Variants in PHF21A observed in about 807,000 individuals in gnomAD.
PHF21A encodes the protein BHC80a.
A neutral mutation model predicts 82.5 loss-of-function variants in PHF21A; 11 were observed. The ratio of observed to expected loss-of-function variants is 0.13; its 90% CI spans 0.08 to 0.22. The LOEUF (loss-of-function observed/expected upper bound fraction) is 0.22. PHF21A is among the 10% of genes least tolerant of loss of function. The probability of loss-of-function intolerance (pLI) is 1.00; values close to 1 mark genes in which losing one functional copy is unlikely to be tolerated. For synonymous variants in PHF21A, 297 were observed against 302.8 expected (o/e 0.98, Z 0.20); for missense variants, 579 against 837.8 (o/e 0.69, Z 3.81).
intron 6 of PHF21A, among the ~76,000 whole-genome samples, chr11:45,987,431 G>T (rs2094531622): frequency 6.6e-6 from 1 of 151,894 alleles, no homozygotes; most frequent in East Asian, 1.9e-4. Context: ...GGAGGCCGAG[G>T]TGGGCGAATC....
intron 6 of PHF21A, among the ~76,000 whole-genome samples, chr11:46,033,543 T>G (rs1172368192): frequency 6.6e-6 from 1 of 152,154 alleles, no homozygotes; most frequent in African/African-American, 2.4e-5. Flanking sequence ...GGATTACAGG[T>G]GTGAGCCACC....
In PHF21A at chr11:45,953,628, AG is replaced by A; in HGVS notation, c.997-4del. On this transcript the variant is annotated splice_region_variant and splice_polypyrimidine_tract_variant and intron_variant, in intron 10 of 18. Transcript: ENST00000676320. ...GTTTCTGTGTGAGATTTAACTGTCT[AG>A]GAGAGAAAAATTAAATAAAAATTCA... 1 of 1,596,016 alleles carries A rather than the reference AG, an allele frequency of 6.3e-7. No homozygotes were observed. Among genetic ancestry groups the A allele is most frequent in the Non-Finnish European group, 8.6e-7 (1 of 1,164,690 alleles).
chr11:45,992,496 C>T (rs1191746828), intron 6 of PHF21A, among the ~76,000 whole-genome samples: 9 of 152,150 alleles, frequency 5.9e-5, no homozygotes, highest in Non-Finnish European at 1.2e-4. Context: ...GCTGAGATCG[C>T]GCCACTGCAC....
chr11:46,086,684 T>G (rs1361356131), intron 3 of PHF21A, among the ~76,000 whole-genome samples: 1 of 152,228 alleles, frequency 6.6e-6, no homozygotes, highest in Admixed American at 6.5e-5. Flanking sequence ...CCAAAATGAT[T>G]CCTTATAATT....
At chr11:46,036,340 G>A (rs2096003374) in intron 6 of PHF21A, among the ~76,000 whole-genome samples, 1 of 152,210 alleles carries the variant, frequency 6.6e-6, no homozygotes, top group Non-Finnish European at 1.5e-5. Context: ...CTGAAGTGAA[G>A]TTGTTCAGTG....
At chr11:46,059,024 T>C (rs2096496899) in intron 6 of PHF21A, among the ~76,000 whole-genome samples, 1 of 152,200 alleles carries the variant, frequency 6.6e-6, no homozygotes, top group Non-Finnish European at 1.5e-5. Context: ...GATGCCCTAA[T>C]ACAGTTCCAA....
chr11:45,975,521 AAAC>A (rs2093983551), intron 7 of PHF21A, among the ~76,000 whole-genome samples: 1 of 152,148 alleles, frequency 6.6e-6, no homozygotes, highest in Non-Finnish European at 1.5e-5. Flanking sequence ...ATGTATACTC[AAAC>A]AACCACAAAT....
At chr11:46,069,249 G>A (rs2096628930) in intron 6 of PHF21A, among the ~76,000 whole-genome samples, 3 of 152,204 alleles carry the variant, frequency 2.0e-5, no homozygotes, top group Admixed American at 6.5e-5. Flanking sequence ...TGAAAACGAG[G>A]AGCTGATGTC....
intron 15 of PHF21A, among the ~76,000 whole-genome samples, chr11:45,941,505 A>T (rs1291397828): frequency 2.0e-5 from 3 of 152,188 alleles, no homozygotes; most frequent in Non-Finnish European, 2.9e-5. Flanking sequence ...ATGGCAAATG[A>T]TGGTTTAGTA....
chr11:46,088,139 T>C (rs756935067), intron 3 of PHF21A, among the ~76,000 whole-genome samples: 4 of 152,338 alleles, frequency 2.6e-5, no homozygotes, highest in Middle Eastern at 6.8e-3. Context: ...AAAAGAATTA[T>C]TGGCTACATT....
intron 9 of PHF21A, among the ~76,000 whole-genome samples, chr11:45,967,978 C>T (rs2093547513): frequency 6.6e-6 from 1 of 152,184 alleles, no homozygotes; most frequent in Admixed American, 6.5e-5. Context: ...AAACTGCTTT[C>T]ACAACAAGTG....
chr11:45,990,142 G>A (rs1455209439), intron 6 of PHF21A, among the ~76,000 whole-genome samples: 3 of 151,036 alleles, frequency 2.0e-5, no homozygotes, highest in East Asian at 1.9e-4. Flanking sequence ...CTTCACACCT[G>A]AACATACACA....
At chr11:46,030,110 C>T (rs986815387) in intron 6 of PHF21A, among the ~76,000 whole-genome samples, 1 of 152,258 alleles carries the variant, frequency 6.6e-6, no homozygotes, top group East Asian at 1.9e-4. Flanking sequence ...AAAGAATCAA[C>T]GCTAAACAAT....
At chr11:46,052,292 T>C (rs1039491249) in intron 6 of PHF21A, among the ~76,000 whole-genome samples, 17 of 152,220 alleles carry the variant, frequency 1.1e-4, no homozygotes, top group African/African-American at 4.1e-4. Flanking sequence ...TGTAAGCAAA[T>C]GAAGCCAAAA....
At chr11:45,964,200 A>AATAATAATAATAAT (rs2093293234) in intron 10 of PHF21A, among the ~76,000 whole-genome samples, 69 of 134,608 alleles carry the variant, frequency 5.1e-4, no homozygotes, top group Middle Eastern at 7.5e-3. Context: ...CTCCATCTCA[A>AATAATAATAATAAT]AATAATAATA....
At chr11:46,076,152 T>C (rs948962042) in intron 6 of PHF21A, among the ~76,000 whole-genome samples, 2 of 152,212 alleles carry the variant, frequency 1.3e-5, no homozygotes, top group African/African-American at 2.4e-5. Flanking sequence ...GAGGTCATCA[T>C]ACAAAAAATT....
intron 6 of PHF21A, among the ~76,000 whole-genome samples, chr11:45,995,787 A>C (rs1259008250): frequency 1.3e-5 from 2 of 152,216 alleles, no homozygotes; most frequent in Admixed American, 6.5e-5. Flanking sequence ...ACATGTGTAG[A>C]CAAAAACAAA....
chr11:46,064,629 C>T (rs2096573779), intron 6 of PHF21A, among the ~76,000 whole-genome samples: 1 of 152,224 alleles, frequency 6.6e-6, no homozygotes, highest in African/African-American at 2.4e-5. Context: ...GGTTCTTATA[C>T]CCTAATCTGT....
chr11:46,062,221 C>G (rs140552281), intron 6 of PHF21A, among the ~76,000 whole-genome samples: 2 of 151,850 alleles, frequency 1.3e-5, no homozygotes, highest in Non-Finnish European at 2.9e-5. Flanking sequence ...TCAGTGGATT[C>G]TATTAATCTG....
Sources: allele counts gnomAD v4.1 joint callset (sites outside exome capture counted in the v4.1 genomes callset), GRCh38; gene constraint gnomAD v4.1.1; transcripts MANE v1.5; gene names NCBI Gene and HGNC (gene_info 2026-07-23, HGNC 2026-07-21).